FHIP1A: variants seen among roughly 807,000 people sequenced by gnomAD.
The protein encoded by FHIP1A is FHF complex subunit HOOK interacting protein 1A.
A neutral mutation model predicts 88.6 loss-of-function variants in FHIP1A; 61 were observed. The observed-to-expected ratio is 0.69, with a 90% confidence interval of 0.56 to 0.85. The LOEUF (loss-of-function observed/expected upper bound fraction) is 0.85, where lower values mean the gene tolerates loss of function less well. FHIP1A is among the 40% of genes least tolerant of loss of function. FHIP1A has a pLI of 0.00. For synonymous variants in FHIP1A, 478 were observed against 496.0 expected (o/e 0.96, Z 0.48); for missense variants, 1,154 against 1,273.5 (o/e 0.91, Z 1.43).
At chr4:151,570,725 G>A (rs1026965997) in intron 4 of FHIP1A, among the ~76,000 whole-genome samples, 17 of 152,320 alleles carry the variant, frequency 1.1e-4, no homozygotes, top group African/African-American at 3.6e-4. Context: ...CCGGAACAGA[G>A]TGTGACATAT....
intron 3 of FHIP1A, among the ~76,000 whole-genome samples, chr4:151,547,923 A>G (rs1560761175): frequency 6.6e-6 from 1 of 151,718 alleles, no homozygotes; most frequent in African/African-American, 2.4e-5. Flanking sequence ...CAAAAGAAAA[A>G]GAAAAAAAAA....
chr4:151,660,360 A>G (rs1737408585), intron 13 of FHIP1A, among the ~76,000 whole-genome samples: 1 of 152,220 alleles, frequency 6.6e-6, no homozygotes, highest in Admixed American at 6.5e-5. Context: ...TCACAGATCA[A>G]GCTAGACAAA....
chr4:151,642,982 A>G (rs2126898083), intron 9 of FHIP1A, among the ~76,000 whole-genome samples: 1 of 151,140 alleles, frequency 6.6e-6, no homozygotes, highest in South Asian at 2.1e-4. Context: ...ATGGCTTTGC[A>G]AAATCTGGAC....
chr4:151,607,332 A>T (rs1735112901), intron 7 of FHIP1A, among the ~76,000 whole-genome samples: 1 of 152,220 alleles, frequency 6.6e-6, no homozygotes, highest in Non-Finnish European at 1.5e-5. Flanking sequence ...TGGGCCTGCA[A>T]CTAGGTAACA....
chr4:151,559,414 C>G (rs1283030025), intron 3 of FHIP1A, among the ~76,000 whole-genome samples: 1 of 152,120 alleles, frequency 6.6e-6, no homozygotes, highest in Non-Finnish European at 1.5e-5. Flanking sequence ...TCAGCTGTCC[C>G]CCAGCCCCCA....
chr4:151,576,591 C>T (rs1405185755), intron 4 of FHIP1A, among the ~76,000 whole-genome samples: 1 of 152,130 alleles, frequency 6.6e-6, no homozygotes, highest in Non-Finnish European at 1.5e-5. Context: ...GCTCTATTTC[C>T]AAAACTTTTT....
chr4:151,614,492 G>A (rs568727176), intron 7 of FHIP1A, among the ~76,000 whole-genome samples: 2 of 149,824 alleles, frequency 1.3e-5, no homozygotes, highest in Admixed American at 6.7e-5. Flanking sequence ...AAAAAGTTTT[G>A]TGAACCTTGA....
rs574743842 is a variant in FHIP1A at position 151,574,849 on chromosome 4, G to A, written c.106-2601G>A. 4.6e-5 allele frequency among the ~76,000 whole-genome samples: 7 copies of A among 152,006 alleles called. No homozygotes were observed. In the East Asian group the frequency reaches 1.4e-3, roughly 29 times the overall value. ...AGTATTTATTTTTGATGGGTCTATTGTATGGTGATATAACATATTTTGATT... is the reference window on the plus strand; with the variant it reads ...AGTATTTATTTTTGATGGGTCTATTATATGGTGATATAACATATTTTGATT... On this transcript the variant is annotated intron_variant, in intron 4 of 13. Transcript: ENST00000435205.
At chr4:151,508,586 A>C (rs1384700483) in intron 3 of FHIP1A, among the ~76,000 whole-genome samples, 1 of 152,146 alleles carries the variant, frequency 6.6e-6, no homozygotes, top group African/African-American at 2.4e-5. Flanking sequence ...TCTATCCCTA[A>C]CCATTGTTTA....
intron 8 of FHIP1A, among the ~76,000 whole-genome samples, chr4:151,636,367 A>G (rs1049671666): frequency 2.0e-5 from 3 of 151,996 alleles, no homozygotes; most frequent in Admixed American, 6.6e-5. Flanking sequence ...AAGGTAAGAT[A>G]TCTTCTCTCC....
chr4:151,481,547 C>T (rs996398936), intron 2 of FHIP1A, among the ~76,000 whole-genome samples: 75 of 151,624 alleles, frequency 4.9e-4, no homozygotes, highest in African/African-American at 1.4e-3. Context: ...CTTGCACCTA[C>T]GCAAGAAAAA....
intron 5 of FHIP1A, among the ~76,000 whole-genome samples, chr4:151,582,418 T>C (rs965892205): frequency 2.0e-5 from 3 of 152,168 alleles, no homozygotes. Flanking sequence ...TAAAACATTA[T>C]GCTAATCTTG....
chr4:151,653,882 T>A (rs1737128638), intron 11 of FHIP1A, among the ~76,000 whole-genome samples: 1 of 152,098 alleles, frequency 6.6e-6, no homozygotes, highest in Admixed American at 6.5e-5. Context: ...GGAGGGGCAG[T>A]GGAGAGAGTC....
At chr4:151,517,846 A>G (rs1731302357) in intron 3 of FHIP1A, among the ~76,000 whole-genome samples, 1 of 152,200 alleles carries the variant, frequency 6.6e-6, no homozygotes, top group Non-Finnish European at 1.5e-5. Flanking sequence ...GAATAAGGAT[A>G]TAAATAAAGA....
At chr4:151,434,069 A>G (rs2126545329) in intron 1 of FHIP1A, among the ~76,000 whole-genome samples, 1 of 152,338 alleles carries the variant, frequency 6.6e-6, no homozygotes, top group East Asian at 1.9e-4. Context: ...ATAACTAATC[A>G]TGTTTACGTT....
chr4:151,543,696 A>G lies in FHIP1A; in HGVS notation c.-122-22442A>G, dbSNP rs183456997. On this transcript the variant is annotated intron_variant, in intron 3 of 13. Coordinates refer to ENST00000435205, the MANE Select transcript of FHIP1A (RefSeq NM_001109977.3). ...CATCTTGCTTTTTTTGCTTAATATT[A>G]TAGTGTGAGCATTTGCCTGTCATTA... Among the ~76,000 whole-genome samples, 24 of 152,312 alleles carry G rather than the reference A, an allele frequency of 1.6e-4. No individual in the cohort carries two copies. In the East Asian group the frequency reaches 4.4e-3, roughly 28 times the overall value.
chr4:151,590,287 C>T (rs1341861903), intron 7 of FHIP1A, among the ~76,000 whole-genome samples: 1 of 152,184 alleles, frequency 6.6e-6, no homozygotes, highest in Non-Finnish European at 1.5e-5. Context: ...GACCTATTGA[C>T]ATAAACATTT....
chr4:151,470,730 A>G (rs1287473402), intron 2 of FHIP1A, among the ~76,000 whole-genome samples: 8 of 152,220 alleles, frequency 5.3e-5, no homozygotes, highest in Middle Eastern at 3.2e-3. Flanking sequence ...CTTACAGTCT[A>G]GCTAGTGAAA....
intron 3 of FHIP1A, among the ~76,000 whole-genome samples, chr4:151,512,703 T>C (rs1399539040): frequency 6.6e-6 from 1 of 151,690 alleles, no homozygotes; most frequent in South Asian, 2.1e-4. Context: ...AGGGTATCAG[T>C]GATGGAAGAT....
Sources: allele counts gnomAD v4.1 joint callset (sites outside exome capture counted in the v4.1 genomes callset), GRCh38; gene constraint gnomAD v4.1.1; transcripts MANE v1.5; gene names NCBI Gene and HGNC (gene_info 2026-07-23, HGNC 2026-07-21).